AUH: variants seen among roughly 807,000 people sequenced by gnomAD.
The protein encoded by AUH is methylglutaconyl-CoA hydratase, mitochondrial.
Under a neutral mutation model 42.3 loss-of-function variants are expected in AUH, and 29 were observed. The ratio of observed to expected loss-of-function variants is 0.69; its 90% CI spans 0.51 to 0.93. The LOEUF (loss-of-function observed/expected upper bound fraction) is 0.93. Ranked by LOEUF, AUH falls within the 40% of genes least tolerant of loss-of-function variation. The pLI is 0.00. For missense variants in AUH, 452 were observed against 438.1 expected, an observed-to-expected ratio of 1.03 and a Z score of -0.28; for synonymous variants, 174 against 166.4, an observed-to-expected ratio of 1.05 and a Z score of -0.35.
intron 3 of AUH, among the ~76,000 whole-genome samples, chr9:91,332,265 G>A (rs1830383306): frequency 6.6e-6 from 1 of 152,232 alleles, no homozygotes; most frequent in Non-Finnish European, 1.5e-5. Context: ...ACTGTAGGAG[G>A]CTGAGGCAGG....
chr9:91,357,687 A>C (rs1050865305), intron 1 of AUH, among the ~76,000 whole-genome samples: 9 of 152,164 alleles, frequency 5.9e-5, no homozygotes, highest in Non-Finnish European at 1.0e-4. Context: ...TACCCCAGAC[A>C]GTGAAGGTTA....
intron 6 of AUH, among the ~76,000 whole-genome samples, chr9:91,258,835 T>C (rs1470926243): frequency 6.6e-6 from 1 of 152,240 alleles, no homozygotes; most frequent in African/African-American, 2.4e-5. Context: ...CTTGTTTCTG[T>C]TAAAATTGTG....
chr9:91,312,371 G>C (rs545352057), intron 4 of AUH, among the ~76,000 whole-genome samples: 1 of 152,122 alleles, frequency 6.6e-6, no homozygotes, highest in Non-Finnish European at 1.5e-5. Flanking sequence ...ACCCTGATTT[G>C]TATCAGTACT....
intron 6 of AUH, among the ~76,000 whole-genome samples, chr9:91,275,582 G>GGTCA (rs1825477338): frequency 6.6e-6 from 1 of 152,186 alleles, no homozygotes; most frequent in African/African-American, 2.4e-5. Context: ...CCACTTGACA[G>GGTCA]AGTGAATCTT....
chr9:91,222,179 A>C (rs1388864137), intron 6 of AUH, among the ~76,000 whole-genome samples: 1 of 152,224 alleles, frequency 6.6e-6, no homozygotes, highest in Non-Finnish European at 1.5e-5. Context: ...ATTTACCTCC[A>C]GTATTTTTCC....
chr9:91,221,578 G>A (rs1587623305), intron 6 of AUH, among the ~76,000 whole-genome samples: 2 of 152,052 alleles, frequency 1.3e-5, no homozygotes, highest in African/African-American at 4.8e-5. Context: ...TCTCGGAGAC[G>A]CTCTCTCACA....
intron 6 of AUH, among the ~76,000 whole-genome samples, chr9:91,243,032 G>A (rs922923529): frequency 6.6e-6 from 1 of 152,128 alleles, no homozygotes; most frequent in Non-Finnish European, 1.5e-5. Context: ...CTATGTAATG[G>A]AATACATTAC....
At chr9:91,261,982 C>T (rs1829730045) in intron 6 of AUH, among the ~76,000 whole-genome samples, 1 of 152,000 alleles carries the variant, frequency 6.6e-6, no homozygotes. Flanking sequence ...TCTTGAATAA[C>T]CAAAAATGAC....
At chr9:91,263,743 C>T (rs1408281470) in intron 6 of AUH, among the ~76,000 whole-genome samples, 1 of 152,098 alleles carries the variant, frequency 6.6e-6, no homozygotes, top group East Asian at 1.9e-4. Context: ...CTCTATATCC[C>T]TAAATAGTAA....
At chr9:91,331,635 A>G (rs1830331073) in intron 3 of AUH, among the ~76,000 whole-genome samples, 2 of 152,252 alleles carry the variant, frequency 1.3e-5, no homozygotes, top group South Asian at 4.1e-4. Flanking sequence ...ATTATTTAAC[A>G]ATTTTGAGAA....
intron 6 of AUH, among the ~76,000 whole-genome samples, chr9:91,258,172 GAACAT>G (rs1206661139): frequency 5.3e-5 from 8 of 152,074 alleles, no homozygotes; most frequent in Admixed American, 3.9e-4. Context: ...AATTTTATCT[GAACAT>G]ATCATGACAT....
intron 6 of AUH, among the ~76,000 whole-genome samples, chr9:91,248,818 T>C (rs1174573154): frequency 4.6e-5 from 7 of 152,160 alleles, no homozygotes; most frequent in Admixed American, 3.3e-4. Context: ...TGTACATCAT[T>C]TTGTTTAAAG....
At chr9:91,323,628 A>G (rs1486022913) in intron 4 of AUH, among the ~76,000 whole-genome samples, 9 of 152,110 alleles carry the variant, frequency 5.9e-5, no homozygotes, top group Non-Finnish European at 1.3e-4. Context: ...GCTCAAAAAA[A>G]AAAAAAAACT....
Position 91,361,764 on chromosome 9 carries a change from G to A in AUH, c.126C>T (p.Gly42=), listed in dbSNP as rs1337237801. The A allele has an allele frequency of 1.9e-6, 3 of 1,544,448 alleles. No individual in the cohort carries two copies. Among genetic ancestry groups the A allele is most frequent in the South Asian group, 1.2e-5 (1 of 83,302 alleles). The change falls in exon 1 of 10, where the codon GGC becomes GGT. Residue 42 remains glycine, a synonymous_variant. Transcript: ENST00000375731. ...PGLRLPGSLA[G]RRAGPAIWAQ... ...CCCAGATCGCCGGGCCCGCTCGCCGGCCTGCCAACGAGCCGGGCAGCCTCA... is the reference window on the plus strand; with the variant it reads ...CCCAGATCGCCGGGCCCGCTCGCCGACCTGCCAACGAGCCGGGCAGCCTCA...
At chr9:91,252,838 T>G (rs1829210947) in intron 6 of AUH, among the ~76,000 whole-genome samples, 1 of 152,224 alleles carries the variant, frequency 6.6e-6, no homozygotes, top group African/African-American at 2.4e-5. Flanking sequence ...AATCTTTTAA[T>G]TTTTACATTT....
chr9:91,279,210 C>T (rs568600948), intron 6 of AUH, among the ~76,000 whole-genome samples: 2 of 152,226 alleles, frequency 1.3e-5, no homozygotes, highest in South Asian at 2.1e-4. Context: ...GTCCTTACAA[C>T]GTGCCAGGTA....
intron 6 of AUH, among the ~76,000 whole-genome samples, chr9:91,261,979 T>C (rs1026849111): frequency 6.6e-6 from 1 of 152,086 alleles, no homozygotes. Flanking sequence ...TTCTCTTGAA[T>C]AACCAAAAAT....
chr9:91,329,304 GA>G lies in AUH; in HGVS notation c.419-3901del, dbSNP rs149098947. Reference sequence around the variant, plus strand: ...AAATTTTTGTTTAACTTGGAGAAAAGAAAAAAAAAAAACAAAAACCCTGCCA... The same window carrying G: ...AAATTTTTGTTTAACTTGGAGAAAAGAAAAAAAAAAACAAAAACCCTGCCA... On this transcript the variant is annotated intron_variant, in intron 3 of 9. Coordinates refer to ENST00000375731, the MANE Select transcript of AUH (RefSeq NM_001698.3). Among the ~76,000 whole-genome samples the G allele has an allele frequency of 8.6e-3, 1,160 of 134,958 alleles. 12 individuals carry two copies. The highest frequency in any genetic ancestry group is 0.05 in the East Asian group (225 of 4,518). 88.5% of individuals were successfully genotyped at this position (134,958 alleles called of 152,430 possible).
chr9:91,282,903 T>C (rs943588906), intron 6 of AUH, among the ~76,000 whole-genome samples: 12 of 152,122 alleles, frequency 7.9e-5, no homozygotes, highest in African/African-American at 2.9e-4. Context: ...GCGGGTACCA[T>C]TCCTTCTGAA....
Sources: allele counts gnomAD v4.1 joint callset (sites outside exome capture counted in the v4.1 genomes callset), GRCh38; gene constraint gnomAD v4.1.1; transcripts MANE v1.5; gene names NCBI Gene and HGNC (gene_info 2026-07-23, HGNC 2026-07-21).